Variants in DOCK1 observed in about 807,000 individuals in gnomAD.
DOCK1 encodes the protein dedicator of cytokinesis 1.
A neutral mutation model predicts 262.7 loss-of-function variants in DOCK1; 138 were observed. The ratio of observed to expected loss-of-function variants is 0.53; its 90% CI spans 0.46 to 0.61. DOCK1 has a LOEUF of 0.61. DOCK1 is among the 20% of genes least tolerant of loss of function. DOCK1 has a pLI of 0.00. For synonymous variants in DOCK1, 866 were observed against 867.4 expected, an observed-to-expected ratio of 1.00 and a Z score of 0.03; for missense variants, 1,908 against 2,370.7, an observed-to-expected ratio of 0.80 and a Z score of 4.05.
intron 35 of DOCK1, 74 bp downstream of exon 35, chr10:127,374,288 C>G (rs988115442): frequency 3.1e-5 from 46 of 1,495,322 alleles, no homozygotes; most frequent in Middle Eastern, 1.8e-4. Context: ...TGCCCCAGCC[C>G]TTATCTATGA....
chr10:127,410,749 A>C lies in DOCK1; in HGVS notation c.4344-91A>C. 4.5e-6 allele frequency: 5 copies of C among 1,116,002 alleles called. 1 individual carries two copies. The highest frequency in any genetic ancestry group is 3.9e-6 in the Non-Finnish European group (3 of 771,350). 69.1% of individuals were successfully genotyped at this position (1,116,002 alleles called of 1,614,324 possible). ...AGGTTAGGGACATTTTACAGGAGGCAGTGACATGTTCTAAGGCCAGACCCC... is the reference window on the plus strand; with the variant it reads ...AGGTTAGGGACATTTTACAGGAGGCCGTGACATGTTCTAAGGCCAGACCCC... On this transcript the variant is annotated intron_variant, in intron 42 of 51. Coordinates refer to ENST00000623213, the MANE Select transcript of DOCK1 (RefSeq NM_001290223.2).
intron 27 of DOCK1, among the ~76,000 whole-genome samples, chr10:127,172,500 T>C (rs1589761865): frequency 6.6e-6 from 1 of 152,328 alleles, no homozygotes; most frequent in African/African-American, 2.4e-5. Flanking sequence ...TCCTCTCCTA[T>C]GTTCTGACAT....
At chr10:127,440,822 G>C (rs1245725806) in intron 49 of DOCK1, among the ~76,000 whole-genome samples, 2 of 152,186 alleles carry the variant, frequency 1.3e-5, no homozygotes, top group Non-Finnish European at 2.9e-5. Flanking sequence ...GACCAGGGGG[G>C]CACTGGCTGG....
chr10:127,325,678 C>T (rs897905182), intron 29 of DOCK1, among the ~76,000 whole-genome samples: 4 of 152,128 alleles, frequency 2.6e-5, no homozygotes, highest in Admixed American at 6.5e-5. Context: ...TCTTGATAGC[C>T]GAACTCCTGT....
At chr10:127,198,287 A>G (rs182242411) in intron 27 of DOCK1, among the ~76,000 whole-genome samples, 36 of 152,368 alleles carry the variant, frequency 2.4e-4, no homozygotes, top group African/African-American at 8.4e-4. Context: ...TGTGGGCTCC[A>G]GTAATTTTCC....
At chr10:126,989,731 C>T (rs1453225419) in intron 5 of DOCK1, among the ~76,000 whole-genome samples, 6 of 152,172 alleles carry the variant, frequency 3.9e-5, no homozygotes, top group African/African-American at 7.2e-5. Context: ...GATTATTGTA[C>T]GCTTGTAATT....
At chr10:127,112,734 C>T (rs766148725) in intron 25 of DOCK1, among the ~76,000 whole-genome samples, 69 of 152,146 alleles carry the variant, frequency 4.5e-4, no homozygotes, top group Non-Finnish European at 6.5e-4. Flanking sequence ...CCCGAAGCTT[C>T]GTGTCTTACA....
rs555147217 is a variant in DOCK1, at chr10:127,420,890, G to A, written c.4776+1141G>A. Among the ~76,000 whole-genome samples, 4 of 126,364 alleles carry A rather than the reference G, an allele frequency of 3.2e-5. No individual in the cohort carries two copies. The South Asian group carries it at 7.7e-4, about 24-fold the overall frequency. The allele number at this position is 126,364 out of a possible 152,430, so 82.9% of individuals were successfully genotyped here. A position where few individuals can be genotyped will look rare whatever the true frequency, so the allele number is the denominator to read the frequency against. On this transcript the variant is annotated intron_variant, in intron 46 of 51. Coordinates refer to ENST00000623213, the MANE Select transcript of DOCK1 (RefSeq NM_001290223.2). ...GCTGTTCCTCTTATGAGACATCACC[G>A]TGAGCAGTTTATTTGTTTGTTTGTT...
chr10:127,418,585 G>A (rs2068299948), intron 45 of DOCK1, 44 bp downstream of exon 45: 1 of 1,563,288 alleles, frequency 6.4e-7, no homozygotes, highest in Non-Finnish European at 8.6e-7. Context: ...GTCCTGCCCG[G>A]GGACAGACTG....
chr10:126,909,337 G>T (rs1022460396), intron 1 of DOCK1, among the ~76,000 whole-genome samples: 2 of 152,204 alleles, frequency 1.3e-5, no homozygotes, highest in African/African-American at 4.8e-5. Context: ...CTCCTGCTAA[G>T]AGCCCAGCCA....
At chr10:127,389,512 C>T (rs2066342233) in intron 38 of DOCK1, among the ~76,000 whole-genome samples, 1 of 152,178 alleles carries the variant, frequency 6.6e-6, no homozygotes, top group African/African-American at 2.4e-5. Context: ...GCAGGTGACA[C>T]AGCCCAAGGA....
At chr10:127,058,393 T>C (rs1454974510) in intron 22 of DOCK1, among the ~76,000 whole-genome samples, 2 of 152,028 alleles carry the variant, frequency 1.3e-5, no homozygotes, top group Non-Finnish European at 2.9e-5. Context: ...TTTCATGCTT[T>C]CTGTGTCTTT....
chr10:127,185,648 G>A (rs2056163066), intron 27 of DOCK1, among the ~76,000 whole-genome samples: 1 of 152,204 alleles, frequency 6.6e-6, no homozygotes, highest in Non-Finnish European at 1.5e-5. Context: ...GTAGAACCTG[G>A]CTGTATAATG....
At chr10:127,343,891 T>A in intron 31 of DOCK1, 145 bp downstream of exon 31, 1 of 694,034 alleles carries the variant, frequency 1.4e-6, no homozygotes, top group Non-Finnish European at 2.4e-6. Flanking sequence ...ACCAATCAGG[T>A]ATTGCCTTTT....
At chr10:127,383,597 G>A (rs2065937388) in intron 37 of DOCK1, among the ~76,000 whole-genome samples, 1 of 152,250 alleles carries the variant, frequency 6.6e-6, no homozygotes, top group South Asian at 2.1e-4. Context: ...CTGTGCCTGG[G>A]AGCCCTGATG....
chr10:127,374,870 G>A (rs2065401669), intron 35 of DOCK1, among the ~76,000 whole-genome samples: 1 of 152,194 alleles, frequency 6.6e-6, no homozygotes, highest in African/African-American at 2.4e-5. Flanking sequence ...CCCCCCTAGA[G>A]CTTTCTAGGG....
chr10:127,416,146 C>T (rs937968987), intron 44 of DOCK1, among the ~76,000 whole-genome samples: 5 of 152,220 alleles, frequency 3.3e-5, no homozygotes, highest in Admixed American at 6.5e-5. Flanking sequence ...AGAGGTTGCC[C>T]GCAGTCAGAG....
intron 27 of DOCK1, among the ~76,000 whole-genome samples, chr10:127,182,782 C>A (rs1415871789): frequency 6.6e-6 from 1 of 152,096 alleles, no homozygotes; most frequent in Admixed American, 6.5e-5. Flanking sequence ...CTCCCTGTTT[C>A]CCATCATCAT....
rs988996256 is a variant in DOCK1 at position 126,942,912 on chromosome 10, C to T, written c.47-27790C>T. 3.9e-5 allele frequency among the ~76,000 whole-genome samples: 6 copies of T among 152,220 alleles called. No homozygotes were observed. In the East Asian group the frequency reaches 1.2e-3, roughly 29 times the overall value. ...GACCTTTTGTGATTTTAGTTACTAT[C>T]CTAAAATATATTGATTTCTTTTTCT... On this transcript the variant is annotated intron_variant, in intron 1 of 51. Transcript: ENST00000623213.
Sources: gnomAD v4.1 joint callset for allele counts (sites outside exome capture counted in the v4.1 genomes callset) on GRCh38, gnomAD v4.1.1 for gene constraint, MANE v1.5 for transcripts, NCBI Gene and HGNC (gene_info 2026-07-23, HGNC 2026-07-21) for gene names.